Variants in PLD1 observed in about 807,000 individuals in gnomAD.
PLD1 encodes phospholipase D1, also known as choline phosphatase 1.
PLD1 carries 112 observed loss-of-function variants against 137.1 expected under a neutral mutation model. The ratio of observed to expected loss-of-function variants is 0.82; its 90% CI spans 0.70 to 0.96. The LOEUF (loss-of-function observed/expected upper bound fraction) is 0.96. Ranked by LOEUF, PLD1 falls within the 40% of genes least tolerant of loss-of-function variation. The pLI is 0.00. For synonymous variants in PLD1, 431 were observed against 454.7 expected, an observed-to-expected ratio of 0.95 and a Z score of 0.66; for missense variants, 1,321 against 1,342.0, an observed-to-expected ratio of 0.98 and a Z score of 0.24.
chr3:171,685,342 C>A (rs1198601547), intron 16 of PLD1, among the ~76,000 whole-genome samples: 1 of 152,170 alleles, frequency 6.6e-6, no homozygotes, highest in Non-Finnish European at 1.5e-5. Context: ...GGCATGTGAG[C>A]TAGACTGTAA....
chr3:171,689,466 C>T (rs1714925631), intron 13 of PLD1, among the ~76,000 whole-genome samples: 1 of 151,684 alleles, frequency 6.6e-6, no homozygotes, highest in Admixed American at 6.6e-5. Flanking sequence ...TTGGCAACTA[C>T]TTTCCTCTTT....
At chr3:171,714,101 G>T (rs1435711899) in intron 8 of PLD1, 56 bp from the exon 9 acceptor site, 2 of 1,072,812 alleles carry the variant, frequency 1.9e-6, no homozygotes, top group Non-Finnish European at 2.9e-6. Flanking sequence ...AAAACGAGAA[G>T]AACTAATCAT....
intron 8 of PLD1, among the ~76,000 whole-genome samples, chr3:171,724,346 T>A (rs59614912): frequency 6.6e-6 from 1 of 152,036 alleles, no homozygotes; most frequent in Admixed American, 6.5e-5. Context: ...GCCATCCTTA[T>A]GGGTGTGAAA....
rs897421931 is a variant in PLD1 at position 171,697,764 on chromosome 3, T to C, written c.1227+1981A>G. The stretch of plus-strand genomic sequence containing the variant: ...TTCATGTTGTGTGGAGCTCCCCAAC[T>C]GGACCTTTTCCATTGGGAAAGCCCA... On this transcript the variant is annotated intron_variant, in intron 12 of 26. Coordinates refer to ENST00000351298, the MANE Select transcript of PLD1 (RefSeq NM_002662.5). Among the ~76,000 whole-genome samples, 45 of 152,174 alleles carry C rather than the reference T, an allele frequency of 3.0e-4. 1 individual carries two copies. Among genetic ancestry groups the C allele is most frequent in the Non-Finnish European group, 1.5e-4 (10 of 68,038 alleles).
chr3:171,750,574 C>G (rs1720582853), intron 1 of PLD1, among the ~76,000 whole-genome samples: 2 of 151,888 alleles, frequency 1.3e-5, no homozygotes, highest in African/African-American at 2.4e-5. Flanking sequence ...GGAATAAATG[C>G]AAAGAAAATT....
chr3:171,681,584 T>C (rs1306007626), intron 16 of PLD1, among the ~76,000 whole-genome samples: 1 of 152,230 alleles, frequency 6.6e-6, no homozygotes, highest in African/African-American at 2.4e-5. Flanking sequence ...GAACAAGTTA[T>C]ATTTTAAAAA....
chr3:171,735,116 G>A (rs926888553), intron 4 of PLD1, 146 bp from the exon 5 acceptor site: 20 of 595,286 alleles, frequency 3.4e-5, no homozygotes, highest in Non-Finnish European at 6.0e-5. Context: ...CCGATATTGT[G>A]AATTAAATAC....
chr3:171,742,536 T>C (rs1448540600), intron 1 of PLD1, among the ~76,000 whole-genome samples: 1 of 152,156 alleles, frequency 6.6e-6, no homozygotes. Flanking sequence ...GATAAATAAA[T>C]GCAATGGATT....
chr3:171,667,736 G>C (rs1366106840), intron 19 of PLD1, among the ~76,000 whole-genome samples: 1 of 152,160 alleles, frequency 6.6e-6, no homozygotes, highest in Non-Finnish European at 1.5e-5. Flanking sequence ...AAACTGCTTA[G>C]AAGCAAGTCA....
chr3:171,664,337 C>T (rs1042701321), intron 19 of PLD1, among the ~76,000 whole-genome samples: 1 of 152,182 alleles, frequency 6.6e-6, no homozygotes, highest in Non-Finnish European at 1.5e-5. Flanking sequence ...TACTAAGGAA[C>T]ATAGCACTGA....
At chr3:171,767,244 T>C (rs746121579) in intron 1 of PLD1, among the ~76,000 whole-genome samples, 9 of 152,218 alleles carry the variant, frequency 5.9e-5, no homozygotes, top group Non-Finnish European at 1.3e-4. Context: ...CTATTCTCCA[T>C]ACGGCCTGGC....
At chr3:171,683,604 T>C (rs1350434522) in intron 16 of PLD1, among the ~76,000 whole-genome samples, 1 of 152,332 alleles carries the variant, frequency 6.6e-6, no homozygotes, top group East Asian at 1.9e-4. Context: ...ATGAGAGATG[T>C]ATTCTCCGAT....
intron 19 of PLD1, among the ~76,000 whole-genome samples, chr3:171,664,751 G>A (rs1413513535): frequency 3.3e-5 from 5 of 152,040 alleles, no homozygotes; most frequent in Non-Finnish European, 4.4e-5. Context: ...GAGCCACCAC[G>A]CCCGGCCGGA....
intron 1 of PLD1, among the ~76,000 whole-genome samples, chr3:171,764,866 A>AGGAAGGAAGGAAG (rs796566714): frequency 8.7e-5 from 2 of 23,026 alleles, no homozygotes; most frequent in African/African-American, 3.6e-4. Context: ...AAAGAAAGAA[A>AGGAAGGAAGGAAG]GAAAGAAAGA....
intron 1 of PLD1, among the ~76,000 whole-genome samples, chr3:171,764,880 A>AAGG: frequency 4.3e-5 from 1 of 23,306 alleles, no homozygotes; most frequent in African/African-American, 1.5e-4. Context: ...AGAAAGAAAG[A>AAGG]AAGAAAGAAA....
At chr3:171,808,159 C>G (rs1723931757) in intron 1 of PLD1, among the ~76,000 whole-genome samples, 1 of 152,126 alleles carries the variant, frequency 6.6e-6, no homozygotes, top group Admixed American at 6.5e-5. Flanking sequence ...GTTGTACCCC[C>G]AACCTCAGCT....
intron 1 of PLD1, among the ~76,000 whole-genome samples, chr3:171,801,798 G>C (rs73176194): frequency 6.6e-6 from 1 of 152,034 alleles, no homozygotes; most frequent in African/African-American, 2.4e-5. Flanking sequence ...AAACCACCCC[G>C]GTAGAACTCA....
intron 19 of PLD1, among the ~76,000 whole-genome samples, chr3:171,670,648 C>T (rs1196035509): frequency 6.6e-6 from 1 of 152,142 alleles, no homozygotes; most frequent in Non-Finnish European, 1.5e-5. Flanking sequence ...CAGTGATGTC[C>T]TAGTTTCTTA....
At position 171,613,357 on chromosome 3, in the gene PLD1, G is replaced by T. The variant is rs1054474559; in HGVS notation, c.2729-925C>A. On this transcript the variant is annotated intron_variant, in intron 24 of 26. Transcript: ENST00000351298. ...GAGTTTTCTACCTTGTGGCACAAAA[G>T]ATTCTAACTGTTACAATCATCAAGC... Among the ~76,000 whole-genome samples, 8 of 152,088 alleles carry T rather than the reference G, an allele frequency of 5.3e-5. 1 individual carries two copies. In the South Asian group the frequency reaches 1.7e-3, roughly 31 times the overall value.
Sources: allele counts gnomAD v4.1 joint callset (sites outside exome capture counted in the v4.1 genomes callset), GRCh38; gene constraint gnomAD v4.1.1; transcripts MANE v1.5; gene names NCBI Gene and HGNC (gene_info 2026-07-23, HGNC 2026-07-21).